NR1D2: variants seen among roughly 807,000 people sequenced by gnomAD.
The protein encoded by NR1D2 is V-erbA-related protein 1-related.
A neutral mutation model predicts 52.2 loss-of-function variants in NR1D2; 25 were observed. The ratio of observed to expected loss-of-function variants is 0.48; its 90% CI spans 0.35 to 0.67. The LOEUF is 0.67. Ranked by LOEUF, NR1D2 falls within the 30% of genes least tolerant of loss-of-function variation. NR1D2 has a pLI of 0.01. For missense variants in NR1D2, 681 were observed against 707.2 expected (o/e 0.96, Z 0.42); for synonymous variants, 259 against 230.1 (o/e 1.13, Z -1.14).
rs575779558 is a variant in NR1D2 at position 23,945,456 on chromosome 3, C to T, written c.-123C>T. ...GGCCCGGGAGCCCCGCCCGCTCTGC[C>T]CATGAGGGGGCCCCGCGACCACCGC... is the stretch of plus-strand genomic sequence containing the variant. On this transcript the variant is annotated 5_prime_UTR_variant, in exon 1 of 8. Coordinates refer to ENST00000312521, the MANE Select transcript of NR1D2 (RefSeq NM_005126.5). The T allele has an allele frequency of 6.1e-3, 2,607 of 426,190 alleles. 40 individuals carry two copies. The highest frequency in any genetic ancestry group is 0.04 in the South Asian group (425 of 10,550). The allele number at this position is 426,190 out of a possible 1,614,324, so 26.4% of individuals were successfully genotyped here.
In NR1D2 at chr3:23,945,511, A is replaced by AGAC; in HGVS notation, c.-67_-66insACG. On this transcript the variant is annotated 5_prime_UTR_variant, in exon 1 of 8. Transcript: ENST00000312521. The stretch of plus-strand genomic sequence containing the variant: ...TCCAGCCCGGGGCGGCGCGGCGCTG[A>AGAC]GGCGGCGGCGGCGGCGCTGCCCCCT... The AGAC allele has an allele frequency of 1.1e-6, 1 of 931,888 alleles. No individual in the cohort carries two copies. Among genetic ancestry groups the AGAC allele is most frequent in the Admixed American group, 5.3e-5 (1 of 18,782 alleles). The allele number at this position is 931,888 out of a possible 1,614,324, so 57.7% of individuals were successfully genotyped here. A position where few individuals can be genotyped will look rare whatever the true frequency, so the allele number is the denominator to read the frequency against.
At chr3:23,947,517 C>G (rs1266917433) in intron 1 of NR1D2, among the ~76,000 whole-genome samples, 1 of 152,224 alleles carries the variant, frequency 6.6e-6, no homozygotes, top group Non-Finnish European at 1.5e-5. Context: ...TATCAAGTTC[C>G]AAGTTGCCCT....
At chr3:23,963,186 T>C (rs1408432231) in intron 5 of NR1D2, 1 of 1,022,938 alleles carries the variant, frequency 9.8e-7, no homozygotes, top group African/African-American at 1.6e-5. Flanking sequence ...ATTGAAGCTT[T>C]TCTATTTTTC....
chr3:23,959,913 C>T (rs1163523069), intron 4 of NR1D2, 98 bp downstream of exon 4: 4 of 1,127,582 alleles, frequency 3.5e-6, no homozygotes, highest in Non-Finnish European at 3.7e-6. Flanking sequence ...CAAGGACCCT[C>T]TTGTATTTAA....
intron 5 of NR1D2, 76 bp from the exon 6 acceptor site, chr3:23,964,901 A>T (rs1377887434): frequency 1.0e-6 from 1 of 987,096 alleles, no homozygotes; most frequent in African/African-American, 1.6e-5. Flanking sequence ...GGGGTTTCTG[A>T]TAATTGAGAT....
intron 1 of NR1D2, among the ~76,000 whole-genome samples, chr3:23,948,877 G>A (rs139423132): frequency 6.6e-6 from 1 of 152,188 alleles, no homozygotes; most frequent in Admixed American, 6.5e-5. Context: ...TACTGCATGT[G>A]TATGGATCCC....
chr3:23,955,044 C>G (rs1386536573), intron 2 of NR1D2, among the ~76,000 whole-genome samples: 1 of 152,204 alleles, frequency 6.6e-6, no homozygotes, highest in East Asian at 1.9e-4. Context: ...TGACCCTGGT[C>G]CCTCTAGGGT....
chr3:23,960,152 T>G (rs1485468082), intron 4 of NR1D2, among the ~76,000 whole-genome samples: 1 of 152,110 alleles, frequency 6.6e-6, no homozygotes, highest in Non-Finnish European at 1.5e-5. Flanking sequence ...CTCACGCCCG[T>G]AATCCCAACA....
intron 1 of NR1D2, among the ~76,000 whole-genome samples, chr3:23,947,775 A>G (rs921042728): frequency 6.6e-6 from 1 of 151,848 alleles, no homozygotes; most frequent in Non-Finnish European, 1.5e-5. Flanking sequence ...GTTACCCACC[A>G]TGTTTACAGT....
chr3:23,973,357 GTTACTAGGGTACAAACC>G (rs1157951829), intron 7 of NR1D2, among the ~76,000 whole-genome samples: 1 of 152,202 alleles, frequency 6.6e-6, no homozygotes, highest in South Asian at 2.1e-4. Context: ...ATAGCCTATT[GTTACTAGGGTACAAACC>G]TGTACACCAT....
intron 7 of NR1D2, 113 bp downstream of exon 7, chr3:23,968,136 G>T: frequency 1.3e-6 from 1 of 767,290 alleles, no homozygotes; most frequent in South Asian, 1.6e-5. Flanking sequence ...AGGCCTTAAG[G>T]AAGATGCTAA....
chr3:23,955,577 A>G (rs1348525160), intron 2 of NR1D2, among the ~76,000 whole-genome samples: 3 of 152,106 alleles, frequency 2.0e-5, no homozygotes, highest in African/African-American at 4.8e-5. Context: ...TGTAATCCCA[A>G]TATTTTTGGA....
intron 1 of NR1D2, among the ~76,000 whole-genome samples, chr3:23,950,538 A>G (rs1177282143): frequency 6.6e-6 from 1 of 152,212 alleles, no homozygotes; most frequent in Non-Finnish European, 1.5e-5. Flanking sequence ...AAGAAATTAA[A>G]ATTTAACCCA....
intron 1 of NR1D2, among the ~76,000 whole-genome samples, chr3:23,948,791 A>G (rs570296861): frequency 2.0e-5 from 3 of 152,364 alleles, no homozygotes; most frequent in East Asian, 1.9e-4. Flanking sequence ...ACTGTGCTAT[A>G]ATGTACTTTA....
chr3:23,962,497 C>G lies in NR1D2; in HGVS notation c.1038C>G (p.Phe346Leu). The G allele has an allele frequency of 6.2e-7, 1 of 1,614,114 alleles. No individual in the cohort carries two copies. Among genetic ancestry groups the G allele is most frequent in the Non-Finnish European group, 8.5e-7 (1 of 1,179,972 alleles). ...ICIANGHCMN[F>L]SNAYTQRVCD... ...TTGCAAATGGACATTGTATGAACTTCTCCAATGCTTATACTCAAAGAGTAT... is the reference window on the plus strand; with the variant it reads ...TTGCAAATGGACATTGTATGAACTTGTCCAATGCTTATACTCAAAGAGTAT... Residue 346 changes from phenylalanine (F) to leucine (L), a missense_variant, in exon 5 of 8, where the codon TTC (phenylalanine) becomes TTG (leucine). Transcript: ENST00000312521.
chr3:23,949,500 T>A lies in NR1D2; in HGVS notation c.16+3906T>A, dbSNP rs114837724. 7.6e-4 allele frequency among the ~76,000 whole-genome samples: 116 copies of A among 152,376 alleles called. 1 individual carries two copies. Among genetic ancestry groups the A allele is most frequent in the African/African-American group, 2.7e-3 (112 of 41,598 alleles). ...CTTGGATGTGTTTGCCCCTATTGAT[T>A]TCTGCCCTCTTTAGTATGATCCTCA... On this transcript the variant is annotated intron_variant, in intron 1 of 7. Transcript: ENST00000312521.
chr3:23,955,052 G>A (rs956505871), intron 2 of NR1D2, among the ~76,000 whole-genome samples: 2 of 152,092 alleles, frequency 1.3e-5, no homozygotes, highest in Non-Finnish European at 2.9e-5. Flanking sequence ...GTCCCTCTAG[G>A]GTACCCTCTT....
rs74745232 is a variant in NR1D2, at chr3:23,975,899, T to C, written c.1544-1324T>C. The stretch of plus-strand genomic sequence containing the variant: ...AATGACCTTTTTCAGCTATCACTTA[T>C]AATGGAAGACCTCCTCAATATCCTT... On this transcript the variant is annotated intron_variant, in intron 7 of 7. Coordinates refer to ENST00000312521, the MANE Select transcript of NR1D2 (RefSeq NM_005126.5). Among the ~76,000 whole-genome samples, 453 of 152,364 alleles carry C rather than the reference T, an allele frequency of 3.0e-3. 1 individual carries two copies. The highest frequency in any genetic ancestry group is 4.7e-3 in the Non-Finnish European group (322 of 68,036).
chr3:23,962,496 T>G lies in NR1D2; in HGVS notation c.1037T>G (p.Phe346Cys). ...ICIANGHCMN[F>C]SNAYTQRVCD... ...ATTGCAAATGGACATTGTATGAACTTCTCCAATGCTTATACTCAAAGAGTA... is the reference window on the plus strand; with the variant it reads ...ATTGCAAATGGACATTGTATGAACTGCTCCAATGCTTATACTCAAAGAGTA... Residue 346 changes from phenylalanine to cysteine, a missense_variant, in exon 5 of 8, where the codon TTC (phenylalanine) becomes TGC (cysteine). Coordinates refer to ENST00000312521, the MANE Select transcript of NR1D2 (RefSeq NM_005126.5). 6.2e-7 allele frequency: 1 copy of G among 1,614,132 alleles called. No individual in the cohort carries two copies. Among genetic ancestry groups the G allele is most frequent in the Non-Finnish European group, 8.5e-7 (1 of 1,180,002 alleles).
Sources: allele counts gnomAD v4.1 joint callset (sites outside exome capture counted in the v4.1 genomes callset), GRCh38; gene constraint gnomAD v4.1.1; transcripts MANE v1.5; gene names NCBI Gene and HGNC (gene_info 2026-07-23, HGNC 2026-07-21).